SPOCK3: variants seen among roughly 807,000 people sequenced by gnomAD.
SPOCK3 encodes the protein testican-3.
SPOCK3 carries 30 observed loss-of-function variants against 56.6 expected under a neutral mutation model. That is an observed-to-expected ratio of 0.53 (90% CI 0.40 to 0.72). The LOEUF is 0.72. Among genes scored for constraint, SPOCK3 ranks in the 30% least tolerant of loss-of-function variants. The pLI is 0.00. For missense variants in SPOCK3, 527 were observed against 530.0 expected, an observed-to-expected ratio of 0.99 and a Z score of 0.06; for synonymous variants, 196 against 183.3, an observed-to-expected ratio of 1.07 and a Z score of -0.56.
intron 3 of SPOCK3, among the ~76,000 whole-genome samples, chr4:167,002,970 T>G (rs991433400): frequency 8.5e-5 from 13 of 152,202 alleles, no homozygotes; most frequent in African/African-American, 3.1e-4. Flanking sequence ...ATATTTAATC[T>G]TGGACTTATG....
intron 10 of SPOCK3, among the ~76,000 whole-genome samples, 195 bp from the exon 11 acceptor site, chr4:166,735,285 T>G (rs772049302): frequency 4.6e-5 from 7 of 152,070 alleles, no homozygotes; most frequent in Non-Finnish European, 1.0e-4. Flanking sequence ...TTAAAATGTA[T>G]GTGCTAAAAG....
intron 2 of SPOCK3, among the ~76,000 whole-genome samples, chr4:167,225,298 A>G (rs1736483095): frequency 6.6e-6 from 1 of 152,118 alleles, no homozygotes; most frequent in Non-Finnish European, 1.5e-5. Context: ...TCTGCAATAT[A>G]TATTTGGAGG....
intron 2 of SPOCK3, among the ~76,000 whole-genome samples, chr4:167,145,392 G>A (rs750340632): frequency 3.9e-5 from 6 of 152,016 alleles, no homozygotes; most frequent in Non-Finnish European, 7.4e-5. Context: ...TTATAAACAT[G>A]GGAAGCATAT....
intron 2 of SPOCK3, among the ~76,000 whole-genome samples, chr4:167,146,137 C>CA (rs1032802907): frequency 5.3e-5 from 8 of 150,812 alleles, no homozygotes; most frequent in Non-Finnish European, 7.4e-5. Flanking sequence ...AAATGGAAAG[C>CA]AAAAAAAAGC....
At chr4:166,943,559 A>G (rs571424227) in intron 4 of SPOCK3, among the ~76,000 whole-genome samples, 1 of 152,314 alleles carries the variant, frequency 6.6e-6, no homozygotes, top group South Asian at 2.1e-4. Context: ...TAGTTGTTCA[A>G]TTTTTTACAG....
At chr4:167,062,737 C>T (rs1172991655) in intron 2 of SPOCK3, 200 bp from the exon 3 acceptor site, 2 of 529,348 alleles carry the variant, frequency 3.8e-6, no homozygotes, top group East Asian at 3.0e-5. Flanking sequence ...AAAAGGAACA[C>T]ACTGTTTTCA....
intron 7 of SPOCK3, among the ~76,000 whole-genome samples, chr4:166,782,441 G>T (rs532835346): frequency 4.6e-5 from 7 of 152,262 alleles, no homozygotes; most frequent in Non-Finnish European, 8.8e-5. Flanking sequence ...TAAGGGTATA[G>T]ATCTGAAAAT....
At chr4:167,014,782 C>CA (rs1242566917) in intron 3 of SPOCK3, among the ~76,000 whole-genome samples, 2 of 151,894 alleles carry the variant, frequency 1.3e-5, no homozygotes, top group Non-Finnish European at 1.5e-5. Flanking sequence ...CACACACACA[C>CA]CCCTACACAA....
At chr4:166,928,102 A>G (rs1227741623) in intron 4 of SPOCK3, among the ~76,000 whole-genome samples, 2 of 152,220 alleles carry the variant, frequency 1.3e-5, no homozygotes, top group Non-Finnish European at 2.9e-5. Context: ...ATGTGGCACT[A>G]TAGAGACTCT....
chr4:167,083,106 A>G (rs1757872192), intron 2 of SPOCK3: 1 of 748,378 alleles, frequency 1.3e-6, no homozygotes, highest in East Asian at 2.4e-5. Context: ...CACACAATGA[A>G]TGAGTGGTAC....
chr4:166,995,499 T>C (rs867585692), intron 4 of SPOCK3, among the ~76,000 whole-genome samples: 3 of 151,996 alleles, frequency 2.0e-5, no homozygotes, highest in Non-Finnish European at 4.4e-5. Flanking sequence ...TTGATAATTA[T>C]GGAAAAAATG....
At chr4:167,146,288 C>T (rs993053341) in intron 2 of SPOCK3, among the ~76,000 whole-genome samples, 8 of 152,238 alleles carry the variant, frequency 5.3e-5, no homozygotes, top group Middle Eastern at 3.4e-3. Flanking sequence ...GCACCCAATA[C>T]ATGAGAACGC....
chr4:167,083,100 C>A, intron 2 of SPOCK3: 1 of 740,734 alleles, frequency 1.4e-6, no homozygotes, highest in Non-Finnish European at 2.5e-6. Context: ...CCCCCTCACA[C>A]AATGAATGAG....
At chr4:166,746,076 A>G (rs893881133) in intron 8 of SPOCK3, among the ~76,000 whole-genome samples, 4 of 152,214 alleles carry the variant, frequency 2.6e-5, no homozygotes, top group African/African-American at 9.7e-5. Flanking sequence ...TAGACAGATC[A>G]ATGACACAGA....
chr4:166,986,013 AAATTAAAT>A (rs1423071283), intron 4 of SPOCK3, among the ~76,000 whole-genome samples: 5 of 152,164 alleles, frequency 3.3e-5, no homozygotes, highest in Non-Finnish European at 7.4e-5. Context: ...CAGAAACTGT[AAATTAAAT>A]AATTTCACTT....
intron 2 of SPOCK3, among the ~76,000 whole-genome samples, chr4:167,211,382 G>C (rs1007586208): frequency 6.6e-5 from 10 of 152,084 alleles, no homozygotes; most frequent in African/African-American, 2.4e-4. Flanking sequence ...AACACTCTGG[G>C]GGACTGCAGG....
At chr4:166,988,435 T>A (rs1373495527) in intron 4 of SPOCK3, among the ~76,000 whole-genome samples, 2 of 152,064 alleles carry the variant, frequency 1.3e-5, no homozygotes, top group East Asian at 3.8e-4. Flanking sequence ...TACAGTAGCA[T>A]TTTATAAAAA....
At chr4:167,105,830 A>G (rs774982933) in intron 2 of SPOCK3, among the ~76,000 whole-genome samples, 11 of 152,058 alleles carry the variant, frequency 7.2e-5, no homozygotes, top group Non-Finnish European at 1.5e-4. Context: ...CCAAAAAAAG[A>G]GCAGGAGTAG....
At chr4:166,770,771 TA>T (rs1172614923) in intron 7 of SPOCK3, among the ~76,000 whole-genome samples, 1 of 152,078 alleles carries the variant, frequency 6.6e-6, no homozygotes, top group African/African-American at 2.4e-5. Context: ...ATGCTGTCTC[TA>T]AGAGACCCGT....
Sources: gnomAD v4.1 joint callset for allele counts (sites outside exome capture counted in the v4.1 genomes callset) on GRCh38, gnomAD v4.1.1 for gene constraint, MANE v1.5 for transcripts, NCBI Gene and HGNC (gene_info 2026-07-23, HGNC 2026-07-21) for gene names.